HSPG2: variants seen among roughly 807,000 people sequenced by gnomAD.
HSPG2 encodes heparan sulfate proteoglycan 2.
HSPG2 carries 278 observed loss-of-function variants against 526.6 expected under a neutral mutation model. That is an observed-to-expected ratio of 0.53 (90% CI 0.48 to 0.58). The LOEUF (loss-of-function observed/expected upper bound fraction) is 0.58, where lower values mean the gene tolerates loss of function less well. Ranked by LOEUF, HSPG2 falls within the 20% of genes least tolerant of loss-of-function variation. HSPG2 has a pLI of 0.00. For missense variants in HSPG2, 5,354 were observed against 6,099.5 expected (o/e 0.88, Z 4.07); for synonymous variants, 2,465 against 2,555.4 (o/e 0.96, Z 1.07).
intron 33 of HSPG2, among the ~76,000 whole-genome samples, chr1:21,867,866 A>C (rs2152740034): frequency 6.6e-6 from 1 of 151,956 alleles, no homozygotes; most frequent in South Asian, 2.1e-4. Flanking sequence ...AAGCAGTAGG[A>C]TTACAGGTGC....
At chr1:21,931,054 C>T (rs1644333664) in intron 1 of HSPG2, among the ~76,000 whole-genome samples, 1 of 152,196 alleles carries the variant, frequency 6.6e-6, no homozygotes, top group East Asian at 1.9e-4. Flanking sequence ...CTCTGAGGTT[C>T]CTGCAGGCCT....
rs1364160092 is a variant in HSPG2, at chr1:21,880,144, T to C, written c.2306A>G (p.His769Arg). ...GTCSGCNCNG[H>R]ASSCDPVYGH... ...ATACACAGGGTCACAGGAGCTGGCA[T>C]GGCCATTGCAATTGCAACCAGAGCA... Residue 769 changes from histidine to arginine, a missense_variant, in exon 17 of 97, where the codon CAT becomes CGT. Coordinates refer to ENST00000374695, the MANE Select transcript of HSPG2 (RefSeq NM_005529.7). 1.9e-6 allele frequency: 3 copies of C among 1,614,128 alleles called. No individual in the cohort carries two copies. Among genetic ancestry groups the C allele is most frequent in the Non-Finnish European group, 1.7e-6 (2 of 1,179,998 alleles).
Position 21,888,168 on chromosome 1 carries a change from C to CA in HSPG2, c.575-103dup, listed in dbSNP as rs2152763485. The stretch of plus-strand genomic sequence containing the variant: ...TGGAGTGGGCTCCAGGGCCCTGTGT[C>CA]AGGCAGCTCGGTTTCTGGCAGGCAC... On this transcript the variant is annotated intron_variant, in intron 6 of 96. Coordinates refer to ENST00000374695, the MANE Select transcript of HSPG2 (RefSeq NM_005529.7). 5 of 1,516,480 alleles carry CA rather than the reference C, an allele frequency of 3.3e-6. No individual in the cohort carries two copies. In the South Asian group the frequency reaches 4.6e-5, roughly 14 times the overall value. 93.9% of individuals were successfully genotyped at this position (1,516,480 alleles called of 1,614,324 possible).
At position 21,841,999 on chromosome 1, in the gene HSPG2, C is replaced by T; in HGVS notation, c.9193+3G>A. 6.2e-7 allele frequency: 1 copy of T among 1,613,222 alleles called. No individual in the cohort carries two copies. Among genetic ancestry groups the T allele is most frequent in the South Asian group, 1.1e-5 (1 of 91,038 alleles). On this transcript the variant is annotated splice_donor_region_variant and intron_variant, in intron 69 of 96. Coordinates refer to ENST00000374695, the MANE Select transcript of HSPG2 (RefSeq NM_005529.7). ...TGCCCACCTGCCCACCAGCCTGGCTCACCCTCCAGCTCCTGGTTCCGGGTC... is the reference window on the plus strand; with the variant it reads ...TGCCCACCTGCCCACCAGCCTGGCTTACCCTCCAGCTCCTGGTTCCGGGTC...
At chr1:21,932,671 A>G (rs545442820) in intron 1 of HSPG2, among the ~76,000 whole-genome samples, 2 of 152,216 alleles carry the variant, frequency 1.3e-5, no homozygotes, top group African/African-American at 4.8e-5. Context: ...GACCAGAAAG[A>G]GGGAGAGGGT....
rs749053594 is a variant in HSPG2 at position 21,846,265 on chromosome 1, G to A, written c.8317-10C>T. On this transcript the variant is annotated splice_polypyrimidine_tract_variant and intron_variant, in intron 63 of 96. Coordinates refer to ENST00000374695, the MANE Select transcript of HSPG2 (RefSeq NM_005529.7). ...GCCGTGAGCCGCGGGTCTGAATAGG[G>A]GACAGGACAGAGGAACAGAGTCAGG... 2.5e-6 allele frequency: 4 copies of A among 1,613,012 alleles called. No individual in the cohort carries two copies. The highest frequency in any genetic ancestry group is 2.2e-5 in the South Asian group (2 of 91,078).
chr1:21,891,932 T>C (rs1450987136), intron 3 of HSPG2, among the ~76,000 whole-genome samples: 8 of 152,246 alleles, frequency 5.3e-5, no homozygotes, highest in African/African-American at 1.9e-4. Flanking sequence ...CTCATTACGT[T>C]TCACAATATT....
chr1:21,916,668 GGCGACAGT>G (rs929259587), intron 1 of HSPG2, among the ~76,000 whole-genome samples: 1 of 149,938 alleles, frequency 6.7e-6, no homozygotes, highest in African/African-American at 2.5e-5. Flanking sequence ...CTCCAGCCCA[GGCGACAGT>G]GCGAGACTCC....
chr1:21,937,208 G>A lies in HSPG2; in HGVS notation c.10C>T (p.Arg4Trp), dbSNP rs1470182358. 2 of 1,032,096 alleles carry A rather than the reference G, an allele frequency of 1.9e-6. No individual in the cohort carries two copies. Among genetic ancestry groups the A allele is most frequent in the African/African-American group, 1.8e-5 (1 of 54,686 alleles). The allele number at this position is 1,032,096 out of a possible 1,614,324, so 63.9% of individuals were successfully genotyped here. A position where few individuals can be genotyped will look rare whatever the true frequency, so the allele number is the denominator to read the frequency against. Residue 4 changes from arginine (R) to tryptophan (W), a missense_variant, in exon 1 of 97, where the codon CGG becomes TGG. Arg to Trp is a moderately radical substitution (Grantham distance 101, BLOSUM62 -3). Transcript: ENST00000374695. MGW[R>W]AAGALLLALL... Reference sequence around the variant, plus strand: ...GCCAGCAGCAGCGCGCCCGCCGCCCGCCACCCCATGGCCCGGCCCGCGCCG... The same window carrying A: ...GCCAGCAGCAGCGCGCCCGCCGCCCACCACCCCATGGCCCGGCCCGCGCCG...
Position 21,865,677 on chromosome 1 carries a change from C to T in HSPG2, c.4314+40G>A. 2 of 1,516,408 alleles carry T rather than the reference C, an allele frequency of 1.3e-6. No homozygotes were observed. The highest frequency in any genetic ancestry group is 2.7e-5 in the African/African-American group (2 of 73,002). The allele number at this position is 1,516,408 out of a possible 1,614,324, so 93.9% of individuals were successfully genotyped here. ...GCCGAGGGTGCCCCTGGCTTCCATC[C>T]TGCCCTTCTGCCCACCCAGCATGGT... is the stretch of plus-strand genomic sequence containing the variant. On this transcript the variant is annotated intron_variant, in intron 34 of 96. Coordinates refer to ENST00000374695, the MANE Select transcript of HSPG2 (RefSeq NM_005529.7). This position sits in a 1 kb window ranked among gnomAD's most constrained non-coding sequence, Gnocchi z 5.4.
At chr1:21,928,914 C>T (rs1023424118) in intron 1 of HSPG2, among the ~76,000 whole-genome samples, 1 of 151,998 alleles carries the variant, frequency 6.6e-6, no homozygotes, top group African/African-American at 2.4e-5. Context: ...CCATGCTTAG[C>T]TGATTTTTTT....
In HSPG2 at chr1:21,842,124, A is replaced by G. The variant is rs370237120; in HGVS notation, c.9071T>C (p.Ile3024Thr). ...GGTGCTGCTGGGCGGGTCGATGGAG[A>G]TGACCGGGCTCCTAAGGCCTGGGGC... ...GSSYRLRSPV[I>T]SIDPPSSTVQ... is the part of the protein sequence containing the mutation. Residue 3024 changes from isoleucine (I) to threonine (T), a missense_variant, in exon 69 of 97, where the codon ATC (isoleucine) becomes ACC (threonine). Ile to Thr is a moderately conservative substitution (Grantham distance 89). Transcript: ENST00000374695. The G allele has an allele frequency of 5.9e-5, 95 of 1,613,530 alleles. No homozygotes were observed. Among genetic ancestry groups the G allele is most frequent in the Non-Finnish European group, 7.7e-5 (91 of 1,180,008 alleles).
chr1:21,852,411 T>C (rs1331694979), intron 52 of HSPG2, among the ~76,000 whole-genome samples, 178 bp from the exon 53 acceptor site: 1 of 152,170 alleles, frequency 6.6e-6, no homozygotes, highest in African/African-American at 2.4e-5. Flanking sequence ...GACCAGGGCA[T>C]GGGCCACGCC....
chr1:21,899,079 C>T (rs1355252951), intron 1 of HSPG2, among the ~76,000 whole-genome samples: 2 of 152,176 alleles, frequency 1.3e-5, no homozygotes, highest in African/African-American at 2.4e-5. Context: ...GTGCCCCACA[C>T]TCCACCAGAG....
Position 21,855,158 on chromosome 1 carries a change from G to C in HSPG2, c.5997+146C>G, listed in dbSNP as rs1384724815. The C allele has an allele frequency of 2.1e-5, 28 of 1,337,328 alleles. No individual in the cohort carries two copies. The African/African-American group carries it at 2.5e-4, about 12-fold the overall frequency. 82.8% of individuals were successfully genotyped at this position (1,337,328 alleles called of 1,614,324 possible). A position where few individuals can be genotyped will look rare whatever the true frequency, so the allele number is the denominator to read the frequency against. ...GAGGACGGCAGGGGCTCCCTGCTGG[G>C]ATGCAGGGGCAGGAGACCACCATCT... On this transcript the variant is annotated intron_variant, in intron 47 of 96. Coordinates refer to ENST00000374695, the MANE Select transcript of HSPG2 (RefSeq NM_005529.7).
At chr1:21,852,287 C>A in intron 52 of HSPG2, 54 bp from the exon 53 acceptor site, 1 of 1,607,798 alleles carries the variant, frequency 6.2e-7, no homozygotes, top group Middle Eastern at 1.7e-4. Flanking sequence ...GATGAGAGGG[C>A]AGGGGTTGCC....
Position 21,847,656 on chromosome 1 carries a change from T to G in HSPG2, c.8025+33A>C. ...CTCTGCTCACCCCAGGAGACCATGG[T>G]TCCACCCCCGCTGCTGTGGCTCCAC... is the stretch of plus-strand genomic sequence containing the variant. On this transcript the variant is annotated intron_variant, in intron 61 of 96. Coordinates refer to ENST00000374695, the MANE Select transcript of HSPG2 (RefSeq NM_005529.7). This position sits in a 1 kb window ranked among gnomAD's most constrained non-coding sequence, Gnocchi z 4.1. The G allele has an allele frequency of 6.2e-7, 1 of 1,600,570 alleles. No individual in the cohort carries two copies. Among genetic ancestry groups the G allele is most frequent in the Non-Finnish European group, 8.5e-7 (1 of 1,173,778 alleles).
chr1:21,897,188 C>A (rs1255207643), intron 1 of HSPG2, among the ~76,000 whole-genome samples: 1 of 152,196 alleles, frequency 6.6e-6, no homozygotes, highest in African/African-American at 2.4e-5. Flanking sequence ...TAGAGGAAAA[C>A]AAACCCAGGG....
intron 21 of HSPG2, among the ~76,000 whole-genome samples, chr1:21,877,113 G>A (rs1191359977): frequency 2.6e-5 from 4 of 151,512 alleles, no homozygotes; most frequent in African/African-American, 7.3e-5. Flanking sequence ...TGTATGAGGC[G>A]TCATTGCCAT....
Sources: gnomAD v4.1 joint callset for allele counts (sites outside exome capture counted in the v4.1 genomes callset) on GRCh38, gnomAD v4.1.1 for gene constraint, Gnocchi (gnomAD v3.1) non-coding constraint, MANE v1.5 for transcripts, NCBI Gene and HGNC (gene_info 2026-07-23, HGNC 2026-07-21) for gene names.